PRDM10: variants seen among roughly 807,000 people sequenced by gnomAD.
PRDM10 encodes the protein PR domain zinc finger protein 10.
Under a neutral mutation model 133.1 loss-of-function variants are expected in PRDM10, and 65 were observed. That is an observed-to-expected ratio of 0.49 (90% CI 0.40 to 0.60). PRDM10 has a LOEUF of 0.60. Among genes scored for constraint, PRDM10 ranks in the 20% least tolerant of loss-of-function variants. The probability of loss-of-function intolerance (pLI) is 0.00; values close to 1 mark genes in which losing one functional copy is unlikely to be tolerated. For missense variants in PRDM10, 1,137 were observed against 1,507.1 expected, an observed-to-expected ratio of 0.75 and a Z score of 4.07; for synonymous variants, 582 against 580.4, an observed-to-expected ratio of 1.00 and a Z score of -0.04.
intron 1 of PRDM10, among the ~76,000 whole-genome samples, chr11:129,996,455 T>C (rs767937024): frequency 2.4e-4 from 37 of 152,324 alleles, no homozygotes; most frequent in Non-Finnish European, 4.4e-4. Flanking sequence ...GTTATATTAA[T>C]TGAAATTCCA....
At chr11:129,927,066 C>T (rs11221902) in intron 11 of PRDM10, among the ~76,000 whole-genome samples, 4 of 151,230 alleles carry the variant, frequency 2.6e-5, no homozygotes, top group East Asian at 2.0e-4. Flanking sequence ...ATTAGCCAGG[C>T]GTGGTAGCAG....
chr11:129,999,121 CTG>C (rs1165180227), intron 1 of PRDM10, among the ~76,000 whole-genome samples: 4 of 152,046 alleles, frequency 2.6e-5, no homozygotes, highest in Non-Finnish European at 5.9e-5. Context: ...CCACACCCGG[CTG>C]TGTTATAACA....
intron 1 of PRDM10, among the ~76,000 whole-genome samples, chr11:129,991,787 C>A (rs945853562): frequency 1.0e-4 from 15 of 149,802 alleles, no homozygotes; most frequent in Admixed American, 8.0e-4. Context: ...CCACTGCACT[C>A]CAGCCTAGTG....
intron 1 of PRDM10, among the ~76,000 whole-genome samples, chr11:129,972,969 C>T (rs780582577): frequency 3.9e-5 from 6 of 152,150 alleles, no homozygotes; most frequent in Non-Finnish European, 8.8e-5. Flanking sequence ...AAGAGACGAG[C>T]CCTCCCTCCT....
chr11:129,985,780 C>CA lies in PRDM10; in HGVS notation c.-119+16941dup, dbSNP rs1159728991. Among the ~76,000 whole-genome samples, 107 of 26,752 alleles carry CA rather than the reference C, an allele frequency of 4.0e-3. 6 individuals carry two copies. Among genetic ancestry groups the CA allele is most frequent in the Non-Finnish European group, 5.6e-3 (66 of 11,826 alleles). 17.6% of individuals were successfully genotyped at this position (26,752 alleles called of 152,430 possible). A position where few individuals can be genotyped will look rare whatever the true frequency, so the allele number is the denominator to read the frequency against. On this transcript the variant is annotated intron_variant, in intron 1 of 20. Coordinates refer to ENST00000360871, the MANE Select transcript of PRDM10 (RefSeq NM_199437.2). Reference sequence around the variant, plus strand: ...CTGGGTGACAAAGACAAACCCTGTCCAAAAAAAAAAAAAAAAAAAAAAAAA... The same window carrying CA: ...CTGGGTGACAAAGACAAACCCTGTCCAAAAAAAAAAAAAAAAAAAAAAAAAA...
chr11:129,925,235 A>G lies in PRDM10; in HGVS notation c.1531-6T>C. 1.3e-6 allele frequency: 2 copies of G among 1,597,032 alleles called. No individual in the cohort carries two copies. Among genetic ancestry groups the G allele is most frequent in the Non-Finnish European group, 1.7e-6 (2 of 1,171,980 alleles). On this transcript the variant is annotated splice_polypyrimidine_tract_variant and splice_region_variant and intron_variant, in intron 11 of 20. Transcript: ENST00000360871. ...AGATGCTGAAGAGCTGCATTCTGAA[A>G]GACATACACAAATGTGATCATTTAG...
intron 1 of PRDM10, among the ~76,000 whole-genome samples, chr11:129,993,352 T>G (rs1290746434): frequency 6.6e-6 from 1 of 152,210 alleles, no homozygotes; most frequent in African/African-American, 2.4e-5. Context: ...ATTCTAAAAG[T>G]GTTATTGTTT....
chr11:129,955,586 G>A lies in PRDM10; in HGVS notation c.235-15C>T, dbSNP rs750664278. On this transcript the variant is annotated splice_polypyrimidine_tract_variant and intron_variant, in intron 3 of 20. Transcript: ENST00000360871. ...GTAAACAGAGTCTAAACAAACAAAC[G>A]AACAAAAAATTATCAGTAGCTCTTT... 26 of 1,611,648 alleles carry A rather than the reference G, an allele frequency of 1.6e-5. No homozygotes were observed. The highest frequency in any genetic ancestry group is 3.3e-5 in the South Asian group (3 of 90,680).
In PRDM10 at chr11:129,904,280, G is replaced by A. The variant is rs1249135042; in HGVS notation, c.3267+1358C>T. ...TAATATCTCAATATTCCTAGCCATT[G>A]AAGAGCATTTTTCCTTTTTTTTCCT... On this transcript the variant is annotated intron_variant, in intron 20 of 20. Coordinates refer to ENST00000360871, the MANE Select transcript of PRDM10 (RefSeq NM_199437.2). Among the ~76,000 whole-genome samples the A allele has an allele frequency of 2.6e-5, 4 of 151,198 alleles. No homozygotes were observed. The East Asian group carries it at 5.8e-4, about 22-fold the overall frequency.
chr11:129,947,006 A>G lies in PRDM10; in HGVS notation c.520+139T>C. On this transcript the variant is annotated intron_variant, in intron 5 of 20. Coordinates refer to ENST00000360871, the MANE Select transcript of PRDM10 (RefSeq NM_199437.2). The surrounding 1 kb of genome is among the most constrained non-coding windows in gnomAD (Gnocchi z 4.6). ...GCTGCAGTGAAGGCCAGGTGGGATG[A>G]AGCAAGCAGAGAATGTAGCACAGTT... The G allele has an allele frequency of 8.4e-7, 1 of 1,188,192 alleles. No individual in the cohort carries two copies. The highest frequency in any genetic ancestry group is 1.5e-5 in the South Asian group (1 of 68,200). The allele number at this position is 1,188,192 out of a possible 1,614,324, so 73.6% of individuals were successfully genotyped here. A position where few individuals can be genotyped will look rare whatever the true frequency, so the allele number is the denominator to read the frequency against.
intron 3 of PRDM10, 71 bp downstream of exon 3, chr11:129,957,675 A>G: frequency 6.5e-7 from 1 of 1,534,274 alleles, no homozygotes; most frequent in Non-Finnish European, 8.9e-7. Context: ...ACAATGACTG[A>G]CAGAAAGTAA....
At position 130,002,554 on chromosome 11, in the gene PRDM10, TC is replaced by T. The variant is rs566809117; in HGVS notation, c.-119+167del. The stretch of plus-strand genomic sequence containing the variant: ...TCTCCCCCCCACCACCACCATCAAT[TC>T]CCCCCCCACCCGGGTCCGCGGTCGG... On this transcript the variant is annotated intron_variant, in intron 1 of 20. Coordinates refer to ENST00000360871, the MANE Select transcript of PRDM10 (RefSeq NM_199437.2). Among the ~76,000 whole-genome samples the T allele has an allele frequency of 3.2e-3, 451 of 141,624 alleles. 3 individuals carry two copies. The highest frequency in any genetic ancestry group is 0.011 in the African/African-American group (434 of 37,924). 92.9% of individuals were successfully genotyped at this position (141,624 alleles called of 152,430 possible). A position where few individuals can be genotyped will look rare whatever the true frequency, so the allele number is the denominator to read the frequency against.
chr11:129,912,957 G>C (rs1239177594), intron 17 of PRDM10, among the ~76,000 whole-genome samples: 1 of 151,786 alleles, frequency 6.6e-6, no homozygotes, highest in East Asian at 1.9e-4. Flanking sequence ...CTACTCAGGA[G>C]GCTAAGGCAG....
Position 129,957,604 on chromosome 11 carries a change from A to G in PRDM10, c.234+142T>C, listed in dbSNP as rs948448434. The G allele has an allele frequency of 4.4e-5, 45 of 1,017,808 alleles. No homozygotes were observed. The Middle Eastern group carries it at 9.0e-4, about 20-fold the overall frequency. 63.0% of individuals were successfully genotyped at this position (1,017,808 alleles called of 1,614,324 possible). ...AGTGCTGGGATTACAGGCATGAGCC[A>G]CCGCGCCTGGCTGAGAGCACAGATC... On this transcript the variant is annotated intron_variant, in intron 3 of 20. Transcript: ENST00000360871.
intron 14 of PRDM10, among the ~76,000 whole-genome samples, chr11:129,917,765 G>T (rs1202156797): frequency 6.6e-6 from 1 of 152,220 alleles, no homozygotes; most frequent in Admixed American, 6.5e-5. Context: ...TAACCTGGAT[G>T]CACATACCCT....
intron 17 of PRDM10, 110 bp from the exon 18 acceptor site, chr11:129,912,335 T>A: frequency 8.2e-7 from 1 of 1,217,474 alleles, no homozygotes. Flanking sequence ...CCGGGTGCAG[T>A]GGCTCATGCC....
chr11:129,922,189 A>G (rs1250172783), intron 13 of PRDM10, among the ~76,000 whole-genome samples: 1 of 152,234 alleles, frequency 6.6e-6, no homozygotes, highest in Non-Finnish European at 1.5e-5. Flanking sequence ...GGTGAAAGTA[A>G]AAGAGAAAAT....
intron 4 of PRDM10, among the ~76,000 whole-genome samples, chr11:129,949,784 A>C (rs77868237): frequency 7.2e-5 from 11 of 151,838 alleles, no homozygotes; most frequent in Admixed American, 6.6e-4. Context: ...TACAAAAAAA[A>C]GTAGCTGGGC....
Position 129,931,107 on chromosome 11 carries a change from G to T in PRDM10, c.1439C>A (p.Thr480Asn). 6.2e-7 allele frequency: 1 copy of T among 1,614,212 alleles called. No homozygotes were observed. Among genetic ancestry groups the T allele is most frequent in the Non-Finnish European group, 8.5e-7 (1 of 1,180,034 alleles). The stretch of plus-strand genomic sequence containing the variant: ...TTCATGCTGCGGCTGCAGGTGCAGG[G>T]TGTGAGTTTCTGGTTCATGTTCCAG... ...SSLEHEPETHTLHLQPQHEES... is the reference protein window; with the variant it reads ...SSLEHEPETHNLHLQPQHEES... The change falls in exon 11 of 21, where the codon ACC becomes AAC. Residue 480 changes from threonine (T) to asparagine (N), a missense_variant. Physicochemically the swap from Thr to Asn is moderately conservative, Grantham distance 65 (BLOSUM62 0). This residue lies in a region of PRDM10 where 635 missense variants were observed against 835.2 expected (regional missense o/e 0.76). Transcript: ENST00000360871.
Sources: gnomAD v4.1 joint callset for allele counts (sites outside exome capture counted in the v4.1 genomes callset) on GRCh38, gnomAD v4.1.1 for gene constraint, gnomAD v4.1.1 regional missense constraint, Gnocchi (gnomAD v3.1) non-coding constraint, MANE v1.5 for transcripts, NCBI Gene and HGNC (gene_info 2026-07-23, HGNC 2026-07-21) for gene names.